Variants in IFT74 observed in about 807,000 individuals in gnomAD.
IFT74 encodes the protein intraflagellar transport 74.
Under a neutral mutation model 96.7 loss-of-function variants are expected in IFT74, and 92 were observed. The ratio of observed to expected loss-of-function variants is 0.95; its 90% CI spans 0.80 to 1.13. The LOEUF is 1.13. Among genes scored for constraint, IFT74 ranks in the 50% most tolerant of loss-of-function variants. The pLI is 0.00. For missense variants in IFT74, 811 were observed against 698.2 expected (o/e 1.16, Z -1.82); for synonymous variants, 223 against 213.2 (o/e 1.05, Z -0.40).
chr9:26,975,158 G>A lies in IFT74; in HGVS notation c.121-2970G>A, dbSNP rs546504773. 2.6e-5 allele frequency among the ~76,000 whole-genome samples: 4 copies of A among 152,268 alleles called. No individual in the cohort carries two copies. The East Asian group carries it at 7.7e-4, about 29-fold the overall frequency. ...CGGCAGCAGCTGCCTGAGGGGGAGG[G>A]TCAGGGGCACTGAGCAGAGGAAGAT... On this transcript the variant is annotated intron_variant, in intron 2 of 19. Coordinates refer to ENST00000380062, the MANE Select transcript of IFT74 (RefSeq NM_025103.4).
At chr9:26,968,438 T>A (rs919826328) in intron 2 of IFT74, among the ~76,000 whole-genome samples, 1 of 152,066 alleles carries the variant, frequency 6.6e-6, no homozygotes, top group Non-Finnish European at 1.5e-5. Context: ...ATTTTTATAT[T>A]TTTAGTAGAG....
At chr9:26,992,091 T>G (rs1297271090) in intron 8 of IFT74, among the ~76,000 whole-genome samples, 1 of 152,056 alleles carries the variant, frequency 6.6e-6, no homozygotes, top group Non-Finnish European at 1.5e-5. Context: ...CCTTAAAGAG[T>G]TTAGAACATT....
chr9:27,024,701 A>G (rs985438732), intron 12 of IFT74, among the ~76,000 whole-genome samples: 4 of 152,176 alleles, frequency 2.6e-5, no homozygotes, highest in Admixed American at 2.0e-4. Context: ...TCAGAAGGTC[A>G]GTTATTAAGT....
chr9:26,971,581 A>G (rs1197609766), intron 2 of IFT74, among the ~76,000 whole-genome samples: 1 of 152,192 alleles, frequency 6.6e-6, no homozygotes, highest in Non-Finnish European at 1.5e-5. Context: ...GAAGGAAGGC[A>G]AGGAGTTAAG....
intron 16 of IFT74, among the ~76,000 whole-genome samples, chr9:27,053,659 G>A (rs1820030378): frequency 6.6e-6 from 1 of 152,094 alleles, no homozygotes; most frequent in Middle Eastern, 3.2e-3. Flanking sequence ...TTGCGGACCT[G>A]TTGTTAAAGG....
intron 13 of IFT74, among the ~76,000 whole-genome samples, chr9:27,039,073 T>G (rs981044103): frequency 2.0e-5 from 3 of 152,236 alleles, no homozygotes; most frequent in Admixed American, 6.5e-5. Flanking sequence ...TTACCTACAG[T>G]GCTGCGCATC....
intron 8 of IFT74, among the ~76,000 whole-genome samples, chr9:26,999,386 T>C (rs1300078245): frequency 6.6e-6 from 1 of 152,186 alleles, no homozygotes; most frequent in Non-Finnish European, 1.5e-5. Context: ...TCTGATTTTA[T>C]AGTGAAAATT....
Position 27,055,703 on chromosome 9 carries a change from A to G in IFT74, c.1428A>G (p.Gln476=). ...EQHSLKSKIK[Q]MTTDLEIYND... ...ATTCTCTAAAAAGCAAAATTAAGCAAATGACAACTGATCTGGAGATATATA... is the reference window on the plus strand; with the variant it reads ...ATTCTCTAAAAAGCAAAATTAAGCAGATGACAACTGATCTGGAGATATATA... Residue 476 remains glutamine (Q), a synonymous_variant, in exon 17 of 20, where the codon CAA becomes CAG. Coordinates refer to ENST00000380062, the MANE Select transcript of IFT74 (RefSeq NM_025103.4). 1 of 1,594,266 alleles carries G rather than the reference A, an allele frequency of 6.3e-7. No homozygotes were observed. Among genetic ancestry groups the G allele is most frequent in the Non-Finnish European group, 8.5e-7 (1 of 1,172,772 alleles).
intron 4 of IFT74, among the ~76,000 whole-genome samples, chr9:26,982,092 TC>T (rs1309466762): frequency 1.6e-4 from 25 of 151,882 alleles, no homozygotes; most frequent in African/African-American, 5.8e-4. Context: ...ATGTTTTTTT[TC>T]AGTAATTAAT....
intron 18 of IFT74, among the ~76,000 whole-genome samples, chr9:27,058,594 G>A (rs897611337): frequency 5.3e-5 from 8 of 150,942 alleles, no homozygotes; most frequent in African/African-American, 1.7e-4. Context: ...CACCTTGTTG[G>A]CCAGGCTGGT....
intron 8 of IFT74, among the ~76,000 whole-genome samples, chr9:26,996,981 C>T (rs1406739799): frequency 2.0e-5 from 3 of 151,982 alleles, no homozygotes; most frequent in African/African-American, 4.8e-5. Flanking sequence ...GAGGCCGAGG[C>T]GGGTGGATCA....
At chr9:27,023,327 T>C (rs1829704791) in intron 12 of IFT74, among the ~76,000 whole-genome samples, 1 of 152,208 alleles carries the variant, frequency 6.6e-6, no homozygotes, top group Non-Finnish European at 1.5e-5. Flanking sequence ...CCTTAAGATA[T>C]GTCTCTTCTG....
chr9:27,000,104 T>G (rs1828398124), intron 8 of IFT74, among the ~76,000 whole-genome samples: 1 of 152,178 alleles, frequency 6.6e-6, no homozygotes, highest in Non-Finnish European at 1.5e-5. Context: ...TTTCTTGAAA[T>G]ACATAAAATG....
At position 27,037,936 on chromosome 9, in the gene IFT74, A is replaced by G. The variant is rs578170702; in HGVS notation, c.1055-6806A>G. Among the ~76,000 whole-genome samples the G allele has an allele frequency of 2.6e-5, 4 of 152,310 alleles. No homozygotes were observed. The South Asian group carries it at 6.2e-4, about 24-fold the overall frequency. On this transcript the variant is annotated intron_variant, in intron 13 of 19. Transcript: ENST00000380062. Reference sequence around the variant, plus strand: ...TGATCTCTCTACTTCACTAATGACAATGTTGCAGTGATGTTCTTGCCTAAG... The same window carrying G: ...TGATCTCTCTACTTCACTAATGACAGTGTTGCAGTGATGTTCTTGCCTAAG...
rs747812416 is a variant in IFT74 at position 27,017,069 on chromosome 9, C to T, written c.933+19C>T. On this transcript the variant is annotated intron_variant, in intron 11 of 19. Coordinates refer to ENST00000380062, the MANE Select transcript of IFT74 (RefSeq NM_025103.4). ...TAAGCAGGTGGGCAAAACAAACATA[C>T]TTATTTTAAGATGTCTGGTTTTGGT... The T allele has an allele frequency of 3.8e-6, 6 of 1,583,738 alleles. No homozygotes were observed. In the South Asian group the frequency reaches 5.9e-5, roughly 16 times the overall value.
rs1176117376 is a variant in IFT74, at chr9:27,008,900, C to A, written c.588-120C>A. 5.2e-6 allele frequency: 4 copies of A among 766,154 alleles called. No homozygotes were observed. In the African/African-American group the frequency reaches 5.3e-5, roughly 10 times the overall value. The allele number at this position is 766,154 out of a possible 1,614,324, so 47.5% of individuals were successfully genotyped here. ...AGTACAAATATAAAGACTTTTCAGT[C>A]ACACACTGTGGTTGAATGTCTTTAA... On this transcript the variant is annotated intron_variant, in intron 8 of 19. Transcript: ENST00000380062.
rs145708863 is a variant in IFT74, at chr9:27,038,644, C to T, written c.1055-6098C>T. On this transcript the variant is annotated intron_variant, in intron 13 of 19. Coordinates refer to ENST00000380062, the MANE Select transcript of IFT74 (RefSeq NM_025103.4). ...GCTTCTCTGACATGATCAAGGGTGA[C>T]TTCGAGGAACACATAGAAGAGCATA... Among the ~76,000 whole-genome samples, 330 of 152,282 alleles carry T rather than the reference C, an allele frequency of 2.2e-3. 2 individuals carry two copies. Among genetic ancestry groups the T allele is most frequent in the African/African-American group, 7.7e-3 (319 of 41,558 alleles).
chr9:26,973,162 A>T (rs1826952046), intron 2 of IFT74, among the ~76,000 whole-genome samples: 1 of 152,206 alleles, frequency 6.6e-6, no homozygotes, highest in Non-Finnish European at 1.5e-5. Flanking sequence ...CAAATCTATT[A>T]CTGTGAACCA....
At chr9:26,967,351 A>G (rs545212940) in intron 2 of IFT74, among the ~76,000 whole-genome samples, 2 of 151,870 alleles carry the variant, frequency 1.3e-5, no homozygotes, top group South Asian at 4.2e-4. Flanking sequence ...TTTTATTTGT[A>G]GCTATTGTAA....
Sources: allele counts gnomAD v4.1 joint callset (sites outside exome capture counted in the v4.1 genomes callset), GRCh38; gene constraint gnomAD v4.1.1; transcripts MANE v1.5; gene names NCBI Gene and HGNC (gene_info 2026-07-23, HGNC 2026-07-21).